CPVL: variants seen among roughly 807,000 people sequenced by gnomAD.
CPVL encodes the protein carboxypeptidase vitellogenic like.
In CPVL, 51 loss-of-function variants were observed where a neutral mutation model predicts 63.7. The observed-to-expected ratio is 0.80, with a 90% CI of 0.64 to 1.01. The LOEUF (loss-of-function observed/expected upper bound fraction) is 1.01, where lower values mean the gene tolerates loss of function less well. CPVL is among the 50% of genes least tolerant of loss of function. The probability of loss-of-function intolerance (pLI) is 0.00; values close to 1 mark genes in which losing one functional copy is unlikely to be tolerated. For missense variants in CPVL, 530 were observed against 573.1 expected (o/e 0.92, Z 0.77); for synonymous variants, 195 against 206.0 (o/e 0.95, Z 0.46).
intron 1 of CPVL, among the ~76,000 whole-genome samples, chr7:29,122,984 T>C (rs1025017535): frequency 6.6e-6 from 1 of 152,202 alleles, no homozygotes; most frequent in South Asian, 2.1e-4. Flanking sequence ...TATTTAAGCA[T>C]GATCTATGTT....
intron 12 of CPVL, chr7:29,013,294 C>T (rs1026939986): frequency 6.6e-6 from 1 of 152,210 alleles, no homozygotes; most frequent in Non-Finnish European, 1.5e-5. Context: ...CCTACCCCAT[C>T]TGAATCAGAC....
intron 5 of CPVL, among the ~76,000 whole-genome samples, chr7:29,159,066 GC>G (rs2128706309): frequency 6.6e-6 from 1 of 152,320 alleles, no homozygotes; most frequent in African/African-American, 2.4e-5. Context: ...CCATTTTAAA[GC>G]CCATTAAGTC....
At chr7:29,028,888 C>T (rs951715347) in intron 12 of CPVL, among the ~76,000 whole-genome samples, 18 of 147,110 alleles carry the variant, frequency 1.2e-4, no homozygotes, top group South Asian at 8.7e-4. Flanking sequence ...TGGCGCGAAC[C>T]GGTGTGGTGG....
intron 1 of CPVL, among the ~76,000 whole-genome samples, chr7:29,134,483 A>T (rs911519428): frequency 6.6e-6 from 1 of 152,250 alleles, no homozygotes; most frequent in Non-Finnish European, 1.5e-5. Flanking sequence ...GCACAAAAAT[A>T]AAAACTCACA....
chr7:29,081,076 C>T (rs556171405), intron 7 of CPVL, among the ~76,000 whole-genome samples: 70 of 152,284 alleles, frequency 4.6e-4, no homozygotes, highest in African/African-American at 1.6e-3. Flanking sequence ...ATGGGCGGTC[C>T]CCCTGATCCT....
intron 5 of CPVL, among the ~76,000 whole-genome samples, chr7:29,158,076 T>C (rs1794667600): frequency 2.0e-5 from 3 of 152,066 alleles, no homozygotes; most frequent in Admixed American, 2.0e-4. Flanking sequence ...AAAGACACAA[T>C]GAGCTCATCA....
At chr7:29,042,122 T>C (rs1222519739) in intron 11 of CPVL, among the ~76,000 whole-genome samples, 2 of 152,086 alleles carry the variant, frequency 1.3e-5, no homozygotes, top group Non-Finnish European at 2.9e-5. Context: ...AGGAGCGGTC[T>C]GCGGTTCATG....
intron 3 of CPVL, among the ~76,000 whole-genome samples, chr7:29,110,027 A>C (rs1283818330): frequency 6.6e-6 from 1 of 152,204 alleles, no homozygotes; most frequent in East Asian, 1.9e-4. Context: ...AGGCAACCTG[A>C]GAAAGAAAAA....
At chr7:29,020,107 C>G (rs1457128389) in intron 12 of CPVL, among the ~76,000 whole-genome samples, 1 of 152,200 alleles carries the variant, frequency 6.6e-6, no homozygotes, top group Non-Finnish European at 1.5e-5. Flanking sequence ...AAGCAGCAAT[C>G]TGGCCTCCCA....
intron 5 of CPVL, among the ~76,000 whole-genome samples, chr7:29,166,975 T>C (rs561800697): frequency 4.6e-5 from 7 of 152,322 alleles, no homozygotes; most frequent in South Asian, 2.1e-4. Flanking sequence ...ATATAAGATA[T>C]ATTTCTATGC....
intron 1 of CPVL, chr7:29,195,033 G>A (rs547827658): frequency 6.4e-7 from 1 of 1,565,090 alleles, no homozygotes; most frequent in Admixed American, 1.8e-5. Flanking sequence ...GCCGGGTCTC[G>A]CCCCACTGCC....
intron 6 of CPVL, among the ~76,000 whole-genome samples, chr7:29,090,667 A>G (rs1785681319): frequency 6.6e-6 from 1 of 152,208 alleles, no homozygotes; most frequent in Admixed American, 6.5e-5. Context: ...CAGCTAGTGT[A>G]CTCCAAATCA....
intron 12 of CPVL, among the ~76,000 whole-genome samples, chr7:29,019,852 A>T (rs938808532): frequency 1.3e-5 from 2 of 152,216 alleles, no homozygotes; most frequent in Admixed American, 6.5e-5. Context: ...ATCTTTGCCA[A>T]CATTTTAAAA....
intron 9 of CPVL, 62 bp downstream of exon 9, chr7:29,071,711 C>T: frequency 4.1e-6 from 2 of 486,406 alleles, no homozygotes; most frequent in Non-Finnish European, 8.0e-6. Flanking sequence ...TCCTGCTCAC[C>T]CGCCCTCCCT....
intron 11 of CPVL, among the ~76,000 whole-genome samples, chr7:29,062,004 A>C (rs1313274165): frequency 3.9e-5 from 6 of 151,906 alleles, no homozygotes; most frequent in Non-Finnish European, 8.8e-5. Context: ...CACAAATAAC[A>C]CATATCAAAC....
intron 12 of CPVL, among the ~76,000 whole-genome samples, chr7:29,026,062 T>A (rs1012928158): frequency 1.3e-5 from 2 of 152,210 alleles, no homozygotes; most frequent in African/African-American, 4.8e-5. Flanking sequence ...ACAGATCACT[T>A]GTTATGCCAT....
At chr7:29,072,145 G>A (rs1365763070) in intron 8 of CPVL, among the ~76,000 whole-genome samples, 156 bp downstream of exon 8, 2 of 152,108 alleles carry the variant, frequency 1.3e-5, no homozygotes, top group South Asian at 2.1e-4. Flanking sequence ...AAATTGATAC[G>A]TTGAAACATT....
intron 5 of CPVL, among the ~76,000 whole-genome samples, chr7:29,171,188 G>C (rs1006990053): frequency 1.3e-5 from 2 of 152,082 alleles, no homozygotes; most frequent in African/African-American, 4.8e-5. Flanking sequence ...GCTTACATAC[G>C]CACTGCTCTT....
At chr7:29,090,880 C>T (rs1785702019) in intron 6 of CPVL, among the ~76,000 whole-genome samples, 1 of 152,084 alleles carries the variant, frequency 6.6e-6, no homozygotes, top group Non-Finnish European at 1.5e-5. Context: ...ATGAGATTTT[C>T]TGAAAAAAGA....
Sources: allele counts gnomAD v4.1 joint callset (sites outside exome capture counted in the v4.1 genomes callset), GRCh38; gene constraint gnomAD v4.1.1; transcripts MANE v1.5; gene names NCBI Gene and HGNC (gene_info 2026-07-23, HGNC 2026-07-21).